MEGF10: variants seen among roughly 807,000 people sequenced by gnomAD.
MEGF10 encodes the protein multiple EGF like domains 10.
In MEGF10, 86 loss-of-function variants were observed where a neutral mutation model predicts 147.5. That is an observed-to-expected ratio of 0.58 (90% CI 0.49 to 0.70). The LOEUF (loss-of-function observed/expected upper bound fraction) is 0.70, where lower values mean the gene tolerates loss of function less well. Among genes scored for constraint, MEGF10 ranks in the 30% least tolerant of loss-of-function variants. The pLI is 0.00. For synonymous variants in MEGF10, 478 were observed against 525.5 expected (o/e 0.91, Z 1.24); for missense variants, 1,329 against 1,487.3 (o/e 0.89, Z 1.75).
At chr5:127,420,932 C>T (rs1054971365) in intron 12 of MEGF10, among the ~76,000 whole-genome samples, 1 of 152,346 alleles carries the variant, frequency 6.6e-6, no homozygotes, top group South Asian at 2.1e-4. Context: ...AGGACATCAT[C>T]TGATGGCGAG....
intron 18 of MEGF10, 150 bp from the exon 19 acceptor site, chr5:127,442,848 C>A: frequency 2.8e-6 from 2 of 703,610 alleles, no homozygotes; most frequent in Admixed American, 2.9e-5. Context: ...GGAATGCTGT[C>A]CAGTTCTGGG....
chr5:127,332,462 A>G (rs1761299622), intron 2 of MEGF10, among the ~76,000 whole-genome samples: 1 of 152,168 alleles, frequency 6.6e-6, no homozygotes, highest in South Asian at 2.1e-4. Flanking sequence ...TAAAGCCCAG[A>G]GCCTCTCAAG....
chr5:127,313,631 T>TC (rs1580699684), intron 1 of MEGF10, among the ~76,000 whole-genome samples: 1 of 152,238 alleles, frequency 6.6e-6, no homozygotes, highest in Non-Finnish European at 1.5e-5. Flanking sequence ...ACTACCTTTA[T>TC]CCATTTAGAC....
the MEGF10 span, among the ~76,000 whole-genome samples, chr5:127,250,936 A>G: frequency 1.3e-5 from 2 of 152,028 alleles, no homozygotes; most frequent in Non-Finnish European, 2.9e-5. Context: ...TAACAGTTGT[A>G]AGATTCATAT....
intron 9 of MEGF10, among the ~76,000 whole-genome samples, chr5:127,411,964 A>G (rs1764582989): frequency 6.6e-6 from 1 of 152,250 alleles, no homozygotes. Flanking sequence ...ATGCAAAGGA[A>G]GAGCTCTGCT....
At chr5:127,405,040 T>G (rs1405030602) in intron 8 of MEGF10, among the ~76,000 whole-genome samples, 1 of 152,126 alleles carries the variant, frequency 6.6e-6, no homozygotes, top group Non-Finnish European at 1.5e-5. Context: ...TAATTGTGCT[T>G]CTCTCTAGGG....
chr5:127,337,440 A>G (rs555959507), intron 2 of MEGF10, among the ~76,000 whole-genome samples: 12 of 152,242 alleles, frequency 7.9e-5, no homozygotes, highest in Non-Finnish European at 1.6e-4. Context: ...AATTTGAATT[A>G]TTTAATTTCA....
intron 9 of MEGF10, among the ~76,000 whole-genome samples, chr5:127,416,365 C>T (rs963789171): frequency 1.3e-5 from 2 of 152,008 alleles, no homozygotes; most frequent in Non-Finnish European, 2.9e-5. Context: ...TTTGAGATGC[C>T]GTGGAGATGC....
At chr5:127,442,399 G>T (rs907901519) in intron 18 of MEGF10, among the ~76,000 whole-genome samples, 1 of 152,068 alleles carries the variant, frequency 6.6e-6, no homozygotes, top group East Asian at 1.9e-4. Flanking sequence ...TATTAAGACC[G>T]CATAGTAAGA....
rs114146859 is a variant in MEGF10 at position 127,368,752 on chromosome 5, G to A, written c.320-1158G>A. ...ATATGCACTGTGAGTGTGTGCACACGTGTGTATATACATATATACACACAT... is the reference window on the plus strand; with the variant it reads ...ATATGCACTGTGAGTGTGTGCACACATGTGTATATACATATATACACACAT... On this transcript the variant is annotated intron_variant, in intron 4 of 24. Coordinates refer to ENST00000503335, the MANE Select transcript of MEGF10 (RefSeq NM_001256545.2). Among the ~76,000 whole-genome samples, 730 of 152,098 alleles carry A rather than the reference G, an allele frequency of 4.8e-3. 7 individuals carry two copies. Among genetic ancestry groups the A allele is most frequent in the African/African-American group, 0.017 (705 of 41,476 alleles).
the MEGF10 span, among the ~76,000 whole-genome samples, chr5:127,269,376 G>T: frequency 6.6e-6 from 1 of 152,174 alleles, no homozygotes; most frequent in East Asian, 1.9e-4. Context: ...AGAATAACCA[G>T]TGTAGAGAAG....
the MEGF10 span, among the ~76,000 whole-genome samples, chr5:127,262,429 C>T: frequency 6.6e-6 from 1 of 152,146 alleles, no homozygotes; most frequent in Non-Finnish European, 1.5e-5. Context: ...ATTGGAAAAT[C>T]TAGTTTCCAG....
chr5:127,356,067 T>A (rs1231559976), intron 4 of MEGF10, among the ~76,000 whole-genome samples: 2 of 152,266 alleles, frequency 1.3e-5, no homozygotes, highest in Non-Finnish European at 2.9e-5. Flanking sequence ...GAAGCAATTT[T>A]TATTGTACTA....
chr5:127,357,322 C>T (rs2126832538), intron 4 of MEGF10, among the ~76,000 whole-genome samples: 1 of 152,178 alleles, frequency 6.6e-6, no homozygotes, highest in Admixed American at 6.5e-5. Context: ...AAAAGTAGAG[C>T]TGTCAATAAA....
intron 13 of MEGF10, among the ~76,000 whole-genome samples, chr5:127,426,579 ACT>A (rs141529792): frequency 0.02 from 2,920 of 148,168 alleles, 54 homozygotes; most frequent in South Asian, 0.081. Context: ...ACACACACAC[ACT>A]CTCTCTCTCT....
chr5:127,450,749 GTTTTGTTTTGTTTTTGT>G (rs1362148211), intron 22 of MEGF10, among the ~76,000 whole-genome samples: 1 of 151,718 alleles, frequency 6.6e-6, no homozygotes, highest in Non-Finnish European at 1.5e-5. Context: ...GTTTTGTTTT[GTTTTGTTTTGTTTTTGT>G]TTTTGTTTTT....
intron 2 of MEGF10, 135 bp from the exon 3 acceptor site, chr5:127,338,985 C>G (rs1761572607): frequency 2.2e-6 from 1 of 450,588 alleles, no homozygotes; most frequent in Admixed American, 3.9e-5. Context: ...CCCATAAAAA[C>G]ATGGAAATTG....
chr5:127,304,961 C>T (rs1051792650), intron 1 of MEGF10, among the ~76,000 whole-genome samples: 2 of 152,166 alleles, frequency 1.3e-5, no homozygotes, highest in Non-Finnish European at 2.9e-5. Flanking sequence ...GCCACCCTGT[C>T]TATGGTATTT....
intron 16 of MEGF10, 111 bp from the exon 17 acceptor site, chr5:127,438,328 G>A (rs1765631292): frequency 3.2e-6 from 4 of 1,251,050 alleles, no homozygotes; most frequent in East Asian, 2.4e-5. Flanking sequence ...TAGTCCTGAT[G>A]TACACTGCTA....
Sources: allele counts gnomAD v4.1 joint callset (sites outside exome capture counted in the v4.1 genomes callset), GRCh38; gene constraint gnomAD v4.1.1; transcripts MANE v1.5; gene names NCBI Gene and HGNC (gene_info 2026-07-23, HGNC 2026-07-21).